Variants in HECW2 observed in about 807,000 individuals in gnomAD.
HECW2 encodes E3 ubiquitin-protein ligase HECW2.
HECW2 carries 61 observed loss-of-function variants against 175.2 expected under a neutral mutation model. That is an observed-to-expected ratio of 0.35 (90% CI 0.28 to 0.43). The LOEUF (loss-of-function observed/expected upper bound fraction) is 0.43. Among genes scored for constraint, HECW2 ranks in the 20% least tolerant of loss-of-function variants. HECW2 has a pLI of 1.00. For synonymous variants in HECW2, 671 were observed against 731.0 expected (o/e 0.92, Z 1.32); for missense variants, 1,524 against 2,000.5 (o/e 0.76, Z 4.54).
At chr2:196,292,472 C>A in intron 14 of HECW2, 93 bp downstream of exon 14, 1 of 1,047,038 alleles carries the variant, frequency 9.6e-7, no homozygotes, top group Non-Finnish European at 1.4e-6. Flanking sequence ...TCACAAAGAG[C>A]CTTGGCCCTC....
rs143340435 is a variant in HECW2 at position 196,310,768 on chromosome 2, T to TTGTGTG, written c.2435-2689_2435-2684dup. 6.1e-4 allele frequency among the ~76,000 whole-genome samples: 91 copies of TTGTGTG among 148,326 alleles called. 1 individual carries two copies. In the East Asian group the frequency reaches 6.9e-3, roughly 11 times the overall value. ...TGCAGTGAAAACGAGAGCAACGATTTTGTGTGTGTGTGTGTGTGTGTTTTG... is the reference window on the plus strand; with the variant it reads ...TGCAGTGAAAACGAGAGCAACGATTTTGTGTGTGTGTGTGTGTGTGTGTGTGTTTTG... On this transcript the variant is annotated intron_variant, in intron 10 of 28. Transcript: ENST00000644978.
chr2:196,433,303 T>C lies in HECW2; in HGVS notation c.121A>G (p.Met41Val), dbSNP rs1171191009. 1.2e-6 allele frequency: 2 copies of C among 1,614,168 alleles called. No individual in the cohort carries two copies. Among genetic ancestry groups the C allele is most frequent in the Non-Finnish European group, 1.7e-6 (2 of 1,180,022 alleles). Residue 41 changes from methionine (M) to valine (V), a missense_variant, in exon 2 of 29, where the codon ATG becomes GTG. Coordinates refer to ENST00000644978, the MANE Select transcript of HECW2 (RefSeq NM_001348768.2). ...LAAQSSMPENMTLQRANSDTD... is the reference protein window; with the variant it reads ...LAAQSSMPENVTLQRANSDTD... ...TCGCTGTTGGCCCGCTGCAGGGTCA[T>C]GTTCTCTGGCATGGAGCTCTGGGCG...
At chr2:196,212,890 T>C (rs1687342758) in intron 28 of HECW2, among the ~76,000 whole-genome samples, 2 of 152,224 alleles carry the variant, frequency 1.3e-5, no homozygotes, top group South Asian at 4.1e-4. Flanking sequence ...ATTTTAAATG[T>C]TAAACATCAT....
intron 14 of HECW2, among the ~76,000 whole-genome samples, chr2:196,280,229 G>T (rs1690134537): frequency 6.6e-6 from 1 of 152,188 alleles, no homozygotes; most frequent in Non-Finnish European, 1.5e-5. Flanking sequence ...CATGATGTAT[G>T]CCAAATAACA....
chr2:196,440,129 T>C (rs1376247647), intron 1 of HECW2, among the ~76,000 whole-genome samples: 1 of 152,154 alleles, frequency 6.6e-6, no homozygotes. Context: ...ATAACTCTTA[T>C]GAGGGTGGGT....
In HECW2 at chr2:196,319,884, C is replaced by A. The variant is rs1028177179; in HGVS notation, c.1006G>T (p.Gly336Cys). 6.2e-7 allele frequency: 1 copy of A among 1,604,744 alleles called. No individual in the cohort carries two copies. Among genetic ancestry groups the A allele is most frequent in the Non-Finnish European group, 8.5e-7 (1 of 1,173,048 alleles). The part of the protein sequence containing the change: ...VHEDASPEAV[G>C]TILGVNSVNG... ...ACAGAATTGACTCCAAGTATTGTGC[C>A]AACAGCTTCTGGAGAGGCATCTGAA... Residue 336 changes from glycine (G) to cysteine (C), a missense_variant, in exon 9 of 29, where the codon GGC (glycine) becomes TGC (cysteine). Gly to Cys is a radical substitution (Grantham distance 159). This residue lies in a region of HECW2 where 604 missense variants were observed against 588.3 expected (regional missense o/e 1.03). Coordinates refer to ENST00000644978, the MANE Select transcript of HECW2 (RefSeq NM_001348768.2).
intron 15 of HECW2, among the ~76,000 whole-genome samples, chr2:196,277,206 T>C (rs1381097939): frequency 1.3e-5 from 2 of 152,158 alleles, no homozygotes; most frequent in African/African-American, 2.4e-5. Context: ...GTTAGGATAT[T>C]AGAGGGCCCT....
intron 28 of HECW2, among the ~76,000 whole-genome samples, chr2:196,210,553 T>C (rs928152218): frequency 3.3e-5 from 5 of 151,864 alleles, no homozygotes; most frequent in African/African-American, 1.2e-4. Flanking sequence ...ATATTTAATA[T>C]ATACATATAT....
intron 1 of HECW2, among the ~76,000 whole-genome samples, chr2:196,442,829 T>C (rs554679771): frequency 2.1e-4 from 32 of 152,164 alleles, no homozygotes; most frequent in Non-Finnish European, 4.1e-4. Context: ...ATAAGATATA[T>C]AATAATGTTA....
chr2:196,334,547 T>G, intron 3 of HECW2, 29 bp from the exon 4 acceptor site: 1 of 1,520,560 alleles, frequency 6.6e-7, no homozygotes, highest in Non-Finnish European at 9.0e-7. Flanking sequence ...AAACAGTAAT[T>G]TAAACAGTGA....
At chr2:196,225,634 C>G in intron 23 of HECW2, 138 bp downstream of exon 23, 1 of 565,278 alleles carries the variant, frequency 1.8e-6, no homozygotes, top group South Asian at 2.2e-5. Context: ...TTTCAGAAAT[C>G]TAAACCACTA....
At chr2:196,414,481 A>T (rs1225323527) in intron 2 of HECW2, among the ~76,000 whole-genome samples, 1 of 152,224 alleles carries the variant, frequency 6.6e-6, no homozygotes, top group Non-Finnish European at 1.5e-5. Context: ...TGGTATCGCC[A>T]TGATCTGGTG....
At chr2:196,590,905 C>A (rs1305820768) in intron 1 of HECW2, among the ~76,000 whole-genome samples, 1 of 152,190 alleles carries the variant, frequency 6.6e-6, no homozygotes, top group Non-Finnish European at 1.5e-5. Flanking sequence ...TTTTTTGTCT[C>A]CTGTTCAGAG....
chr2:196,506,106 A>G (rs1687754350), intron 1 of HECW2, among the ~76,000 whole-genome samples: 1 of 152,112 alleles, frequency 6.6e-6, no homozygotes, highest in African/African-American at 2.4e-5. Context: ...GAGGGGAGAA[A>G]GGGGATGGCA....
At chr2:196,257,343 T>C (rs1370685479) in intron 18 of HECW2, among the ~76,000 whole-genome samples, 4 of 152,206 alleles carry the variant, frequency 2.6e-5, no homozygotes, top group Admixed American at 6.5e-5. Context: ...ATGAGTAGCA[T>C]AGACCAAATG....
rs148245930 is a variant in HECW2 at position 196,374,045 on chromosome 2, TA to T, written c.293-30282del. ...AGACTCCGTCTCAAAAAAAATAAAA[TA>T]AAATAAATAAATAAATAAATATGTG... On this transcript the variant is annotated intron_variant, in intron 2 of 28. Transcript: ENST00000644978. 8.7e-3 allele frequency among the ~76,000 whole-genome samples: 1,071 copies of T among 123,648 alleles called. 19 individuals are homozygous for T. The highest frequency in any genetic ancestry group is 0.048 in the African/African-American group (1,028 of 21,400). 81.1% of individuals were successfully genotyped at this position (123,648 alleles called of 152,430 possible).
chr2:196,350,705 G>A (rs554364252), intron 2 of HECW2, among the ~76,000 whole-genome samples: 188 of 152,240 alleles, frequency 1.2e-3, no homozygotes, highest in African/African-American at 4.1e-3. Context: ...AGCAGCTGAC[G>A]GGATAAGGGG....
intron 10 of HECW2, among the ~76,000 whole-genome samples, chr2:196,310,768 T>TTGTGTGTGAGTGTGTGTGTG (rs1553497568): frequency 6.7e-6 from 1 of 148,216 alleles, no homozygotes; most frequent in Non-Finnish European, 1.5e-5. Flanking sequence ...AGCAACGATT[T>TTGTGTGTGAGTGTGTGTGTG]TGTGTGTGTG....
At chr2:196,405,004 T>TG (rs1355286228) in intron 2 of HECW2, among the ~76,000 whole-genome samples, 13 of 150,082 alleles carry the variant, frequency 8.7e-5, no homozygotes, top group South Asian at 2.1e-4. Context: ...TTTTTTTTTT[T>TG]GTATTTTTAG....
Sources: gnomAD v4.1 joint callset for allele counts (sites outside exome capture counted in the v4.1 genomes callset) on GRCh38, gnomAD v4.1.1 for gene constraint, gnomAD v4.1.1 regional missense constraint, MANE v1.5 for transcripts, NCBI Gene and HGNC (gene_info 2026-07-23, HGNC 2026-07-21) for gene names.